The following MYL7 variants were observed in gnomAD, a reference collection of about 807,000 sequenced individuals.
MYL7 encodes myosin light chain 7.
MYL7 carries 27 observed loss-of-function variants against 22.5 expected under a neutral mutation model. The observed-to-expected ratio is 1.20, with a 90% CI of 0.89 to 1.66. The LOEUF (loss-of-function observed/expected upper bound fraction) is 1.66, where lower values mean the gene tolerates loss of function less well. MYL7 is among the 40% of genes most tolerant of loss of function. MYL7 has a pLI of 0.00. For missense variants in MYL7, 209 were observed against 226.8 expected, an observed-to-expected ratio of 0.92 and a Z score of 0.50; for synonymous variants, 81 against 84.4, an observed-to-expected ratio of 0.96 and a Z score of 0.22.
At chr7:44,139,968 G>T in intron 4 of MYL7, 108 bp from the exon 5 acceptor site, 1 of 957,714 alleles carries the variant, frequency 1.0e-6, no homozygotes, top group East Asian at 2.7e-5. Context: ...GAAGAGGTGG[G>T]GGTATTCCCT....
chr7:44,140,711 C>T lies in MYL7; in HGVS notation c.193+1G>A, dbSNP rs746547436. On this transcript the variant is annotated splice_donor_variant, in intron 3 of 6. Coordinates refer to ENST00000223364, the MANE Select transcript of MYL7 (RefSeq NM_021223.3). LOFTEE classifies it high-confidence loss of function. ...GCAGGGTGGGAGGTGGGTGCACGCA[C>T]CCAGCTGGGAGTAGGTCTCCCTCAG... 25 of 1,603,036 alleles carry T rather than the reference C, an allele frequency of 1.6e-5. No individual in the cohort carries two copies. The highest frequency in any genetic ancestry group is 2.7e-5 in the African/African-American group (2 of 74,656).
intron 1 of MYL7, 62 bp from the exon 2 acceptor site, chr7:44,141,136 C>T: frequency 1.3e-6 from 2 of 1,575,848 alleles, no homozygotes; most frequent in Non-Finnish European, 1.7e-6. Flanking sequence ...CCCACCCCAC[C>T]CATCATGCAC....
intron 4 of MYL7, 108 bp downstream of exon 4, chr7:44,140,215 G>T: frequency 1.1e-6 from 1 of 892,980 alleles, no homozygotes. Context: ...GGGTTCAGGT[G>T]GGGTTCATGT....
chr7:44,140,259 G>A, intron 4 of MYL7, 64 bp downstream of exon 4: 1 of 1,374,924 alleles, frequency 7.3e-7, no homozygotes, highest in Non-Finnish European at 1.0e-6. Context: ...GGGTTCAGGT[G>A]GGGTTCAGGC....
intron 6 of MYL7, among the ~76,000 whole-genome samples, 165 bp from the exon 7 acceptor site, chr7:44,139,187 T>A (rs113139674): frequency 6.6e-6 from 1 of 152,236 alleles, no homozygotes; most frequent in African/African-American, 2.4e-5. Flanking sequence ...TTCTCTTGGC[T>A]GACTCTGGGC....
chr7:44,140,606 G>T, intron 3 of MYL7, 106 bp downstream of exon 3: 1 of 1,276,638 alleles, frequency 7.8e-7, no homozygotes, highest in Non-Finnish European at 1.1e-6. Flanking sequence ...GAGACGGGGA[G>T]GAGGGGAAGC....
intron 1 of MYL7, 40 bp from the exon 2 acceptor site, chr7:44,141,114 C>T (rs2096265141): frequency 6.3e-7 from 1 of 1,598,158 alleles, no homozygotes; most frequent in Non-Finnish European, 8.6e-7. Context: ...CTCCCCAACT[C>T]CTCAGAGTCT....
chr7:44,139,114 C>G (rs2096262082), intron 6 of MYL7, 92 bp from the exon 7 acceptor site: 4 of 936,946 alleles, frequency 4.3e-6, no homozygotes, highest in Non-Finnish European at 6.8e-6. Flanking sequence ...CTGTCTGCCC[C>G]CTGCATCTGT....
rs1057491132 is a variant in MYL7, at chr7:44,139,869, C to T, written c.299-9G>A. 2 of 1,595,764 alleles carry T rather than the reference C, an allele frequency of 1.3e-6. No homozygotes were observed. Among genetic ancestry groups the T allele is most frequent in the Middle Eastern group, 2.2e-4 (1 of 4,636 alleles). ...TTCCTCGGGGTCTGTCCCTGGAAGGCCGAGGCAGCCAGGTGAGCATCCATG... is the reference window on the plus strand; with the variant it reads ...TTCCTCGGGGTCTGTCCCTGGAAGGTCGAGGCAGCCAGGTGAGCATCCATG... On this transcript the variant is annotated splice_polypyrimidine_tract_variant and intron_variant, in intron 4 of 6. Transcript: ENST00000223364.
intron 4 of MYL7, 108 bp from the exon 5 acceptor site, chr7:44,139,968 G>C (rs1728016558): frequency 1.3e-5 from 12 of 957,594 alleles, no homozygotes; most frequent in Non-Finnish European, 1.8e-5. Context: ...GAAGAGGTGG[G>C]GGTATTCCCT....
At position 44,139,335 on chromosome 7, in the gene MYL7, G is replaced by A. The variant is rs111370154; in HGVS notation, c.426+186C>T. 1.3e-3 allele frequency: 972 copies of A among 757,536 alleles called. 3 individuals carry two copies. The highest frequency in any genetic ancestry group is 1.8e-3 in the Non-Finnish European group (791 of 429,934). 46.9% of individuals were successfully genotyped at this position (757,536 alleles called of 1,614,324 possible). A position where few individuals can be genotyped will look rare whatever the true frequency, so the allele number is the denominator to read the frequency against. On this transcript the variant is annotated intron_variant, in intron 6 of 6. Transcript: ENST00000223364. ...TCTGTGCACAGTCTCCCTGCCTGGC[G>A]CACCCTGCCCTCTTTTCTGACTCCA...
At chr7:44,140,484 C>T in intron 3 of MYL7, 57 bp from the exon 4 acceptor site, 1 of 1,452,430 alleles carries the variant, frequency 6.9e-7, no homozygotes, top group Non-Finnish European at 9.6e-7. Flanking sequence ...CCCAGAAGGC[C>T]CAGGCCGCCC....
At chr7:44,139,388 G>C in intron 6 of MYL7, 133 bp downstream of exon 6, 1 of 1,006,132 alleles carries the variant, frequency 9.9e-7, no homozygotes, top group Non-Finnish European at 1.6e-6. Context: ...TCTCAACAGA[G>C]ATGGCACCTC....
chr7:44,139,917 G>A (rs1279083285), intron 4 of MYL7, 57 bp from the exon 5 acceptor site: 26 of 1,493,594 alleles, frequency 1.7e-5, no homozygotes, highest in Admixed American at 2.3e-5. Flanking sequence ...CAGGTCCCCC[G>A]CAGGAGGAAC....
intron 6 of MYL7, 98 bp downstream of exon 6, chr7:44,139,423 C>T (rs752073519): frequency 7.3e-7 from 1 of 1,371,898 alleles, no homozygotes; most frequent in Non-Finnish European, 1.0e-6. Context: ...TCGGCTCACC[C>T]TTCCAGCAAC....
intron 6 of MYL7, 197 bp downstream of exon 6, chr7:44,139,324 C>A: frequency 2.7e-6 from 2 of 729,504 alleles, no homozygotes; most frequent in Non-Finnish European, 4.9e-6. Flanking sequence ...TGCACAGTCT[C>A]CCTGCCTGGC....
Position 44,140,381 on chromosome 7 carries a change from C to T in MYL7, c.240G>A (p.Glu80=). Residue 80 remains glutamate (E), a synonymous_variant, in exon 4 of 7, where the codon GAG becomes GAA. Coordinates refer to ENST00000223364, the MANE Select transcript of MYL7 (RefSeq NM_021223.3). ...CGGTGAAGTTGATGGGGCCCTTGCC[C>T]TCTTGCAGCATGGCGTCCAGCTCCT... is the stretch of plus-strand genomic sequence containing the variant. ...PEEELDAMLQ[E]GKGPINFTVF... 6.2e-7 allele frequency: 1 copy of T among 1,614,016 alleles called. No individual in the cohort carries two copies. Among genetic ancestry groups the T allele is most frequent in the East Asian group, 2.2e-5 (1 of 44,836 alleles).
chr7:44,139,977 C>T lies in MYL7; in HGVS notation c.299-117G>A, dbSNP rs1583582844. On this transcript the variant is annotated intron_variant, in intron 4 of 6. Coordinates refer to ENST00000223364, the MANE Select transcript of MYL7 (RefSeq NM_021223.3). Reference sequence around the variant, plus strand: ...ATCCCAGAAGAGGTGGGGGTATTCCCTAACATAAAATGTTTCTCGGGGATC... The same window carrying T: ...ATCCCAGAAGAGGTGGGGGTATTCCTTAACATAAAATGTTTCTCGGGGATC... 3 of 913,364 alleles carry T rather than the reference C, an allele frequency of 3.3e-6. No individual in the cohort carries two copies. In the East Asian group the frequency reaches 8.3e-5, roughly 25 times the overall value. The allele number at this position is 913,364 out of a possible 1,614,324, so 56.6% of individuals were successfully genotyped here. A position where few individuals can be genotyped will look rare whatever the true frequency, so the allele number is the denominator to read the frequency against.
intron 3 of MYL7, 94 bp downstream of exon 3, chr7:44,140,618 G>T: frequency 1.5e-6 from 2 of 1,353,032 alleles, no homozygotes; most frequent in Non-Finnish European, 2.0e-6. Context: ...AGGGGAAGCA[G>T]GGGAGCAGAG....
Sources: allele counts gnomAD v4.1 joint callset (sites outside exome capture counted in the v4.1 genomes callset), GRCh38; gene constraint gnomAD v4.1.1; transcripts MANE v1.5; gene names NCBI Gene and HGNC (gene_info 2026-07-23, HGNC 2026-07-21).